Variants in ARHGAP26 observed in about 807,000 individuals in gnomAD.
The protein encoded by ARHGAP26 is Rho GTPase activating protein 26, also known as rho GTPase-activating protein 26.
Under a neutral mutation model 104.8 loss-of-function variants are expected in ARHGAP26, and 38 were observed. That is an observed-to-expected ratio of 0.36 (90% confidence interval 0.28 to 0.48). The LOEUF (loss-of-function observed/expected upper bound fraction) is 0.48, where lower values mean the gene tolerates loss of function less well. Ranked by LOEUF, ARHGAP26 falls within the 20% of genes least tolerant of loss-of-function variation. ARHGAP26 has a pLI of 0.99. For synonymous variants in ARHGAP26, 341 were observed against 340.0 expected (o/e 1.00, Z -0.03); for missense variants, 704 against 947.9 (o/e 0.74, Z 3.38).
In ARHGAP26 at chr5:142,963,181, T is replaced by TAC. The variant is rs1554172165; in HGVS notation, c.1107+31057_1107+31058insCA. Among the ~76,000 whole-genome samples the TAC allele has an allele frequency of 1.0e-3, 114 of 111,552 alleles. 2 individuals are homozygous for TAC. Among genetic ancestry groups the TAC allele is most frequent in the African/African-American group, 5.5e-3 (108 of 19,616 alleles). The allele number at this position is 111,552 out of a possible 152,430, so 73.2% of individuals were successfully genotyped here. On this transcript the variant is annotated intron_variant, in intron 11 of 22. Coordinates refer to ENST00000645722, the MANE Select transcript of ARHGAP26 (RefSeq NM_001135608.3). Reference sequence around the variant, plus strand: ...ATTCCATGGTATATATGTATATATATATATATATATATATATATGTGTGTG... The same window carrying TAC: ...ATTCCATGGTATATATGTATATATATACATATATATATATATATATGTGTGTG...
intron 1 of ARHGAP26, among the ~76,000 whole-genome samples, chr5:142,834,079 T>C (rs1309407069): frequency 6.6e-6 from 1 of 152,248 alleles, no homozygotes; most frequent in East Asian, 1.9e-4. Flanking sequence ...CAAAAAATTA[T>C]GAGCATGATA....
chr5:143,053,163 A>G (rs1029109186), intron 14 of ARHGAP26, among the ~76,000 whole-genome samples: 3 of 152,196 alleles, frequency 2.0e-5, no homozygotes, highest in Admixed American at 2.0e-4. Context: ...CCCAGCAAAC[A>G]GCAAATATCT....
At chr5:142,772,627 C>A in intron 1 of ARHGAP26, 1 of 439,784 alleles carries the variant, frequency 2.3e-6, no homozygotes, top group Non-Finnish European at 4.5e-6. Context: ...ATTCATTCTG[C>A]AAATGAGAAA....
At chr5:142,860,899 A>G (rs1347314868) in intron 1 of ARHGAP26, among the ~76,000 whole-genome samples, 14 of 152,210 alleles carry the variant, frequency 9.2e-5, no homozygotes, top group Admixed American at 9.2e-4. Context: ...AAACTTCAGC[A>G]TGGATAAGAA....
intron 20 of ARHGAP26, among the ~76,000 whole-genome samples, chr5:143,196,338 A>C (rs1245904382): frequency 6.6e-6 from 1 of 152,088 alleles, no homozygotes; most frequent in Non-Finnish European, 1.5e-5. Flanking sequence ...AATACAGTCC[A>C]TTCTTGTTTT....
chr5:143,192,495 T>G (rs922832229), intron 20 of ARHGAP26: 1 of 152,264 alleles, frequency 6.6e-6, no homozygotes, highest in African/African-American at 2.4e-5. Context: ...GTTTTTCCAT[T>G]GTTACATTTT....
chr5:143,184,670 G>GAGAAGTCC (rs554992957), intron 20 of ARHGAP26, among the ~76,000 whole-genome samples: 152 of 152,338 alleles, frequency 1.0e-3, no homozygotes, highest in African/African-American at 3.6e-3. Context: ...CAGTGGTTCA[G>GAGAAGTCC]AGAAGTCCCC....
At chr5:143,049,747 G>A (rs1292292425) in intron 14 of ARHGAP26, among the ~76,000 whole-genome samples, 1 of 152,088 alleles carries the variant, frequency 6.6e-6, no homozygotes, top group Non-Finnish European at 1.5e-5. Flanking sequence ...CAACTTTCTG[G>A]TATTCTTAAA....
intron 5 of ARHGAP26, among the ~76,000 whole-genome samples, chr5:142,892,987 C>T (rs552087844): frequency 1.3e-3 from 170 of 128,098 alleles, no homozygotes; most frequent in African/African-American, 4.2e-3. Context: ...CCCACCCCCC[C>T]GCTTTTTTTT....
intron 19 of ARHGAP26, among the ~76,000 whole-genome samples, chr5:143,139,797 A>T (rs972664583): frequency 1.3e-5 from 2 of 152,198 alleles, no homozygotes; most frequent in African/African-American, 2.4e-5. Flanking sequence ...TTCCACACAG[A>T]TACACCATCC....
chr5:143,115,154 GA>G (rs771248709), intron 17 of ARHGAP26, among the ~76,000 whole-genome samples: 13 of 152,146 alleles, frequency 8.5e-5, no homozygotes, highest in Non-Finnish European at 1.2e-4. Context: ...CCAATATGAT[GA>G]AACCCCGTCT....
At chr5:142,847,065 C>T (rs140988712) in intron 1 of ARHGAP26, among the ~76,000 whole-genome samples, 57 of 152,232 alleles carry the variant, frequency 3.7e-4, no homozygotes, top group African/African-American at 1.1e-3. Context: ...AGCTCTGTTG[C>T]TTGCTCTCGG....
chr5:142,950,121 T>C (rs1768080828), intron 11 of ARHGAP26, among the ~76,000 whole-genome samples: 1 of 152,198 alleles, frequency 6.6e-6, no homozygotes, highest in African/African-American at 2.4e-5. Context: ...ACAACCTTGT[T>C]TCTTTCACAG....
intron 17 of ARHGAP26, among the ~76,000 whole-genome samples, chr5:143,115,317 G>C (rs1220860427): frequency 6.7e-6 from 1 of 149,100 alleles, no homozygotes; most frequent in Admixed American, 6.8e-5. Flanking sequence ...TGCACGACAA[G>C]AGTGAAACTT....
In ARHGAP26 at chr5:143,058,309, G is replaced by A. The variant is rs79252204; in HGVS notation, c.1538+562G>A. On this transcript the variant is annotated intron_variant, in intron 17 of 22. Transcript: ENST00000645722. ...GATTTTTGAAGTTACATGCATTAAA[G>A]CCTTTGAAGAAGTATAAAGAATAAA... The A allele has an allele frequency of 1.9e-4, 46 of 239,250 alleles. 1 individual carries two copies. The East Asian group carries it at 3.1e-3, about 16-fold the overall frequency. The allele number at this position is 239,250 out of a possible 1,614,324, so 14.8% of individuals were successfully genotyped here. A position where few individuals can be genotyped will look rare whatever the true frequency, so the allele number is the denominator to read the frequency against.
intron 1 of ARHGAP26, among the ~76,000 whole-genome samples, chr5:142,773,055 A>T (rs577790352): frequency 6.6e-6 from 1 of 152,268 alleles, no homozygotes; most frequent in Non-Finnish European, 1.5e-5. Flanking sequence ...GTATTCTACC[A>T]CTACTAACTA....
chr5:143,159,035 G>A (rs902219958), intron 20 of ARHGAP26, among the ~76,000 whole-genome samples: 1 of 152,218 alleles, frequency 6.6e-6, no homozygotes, highest in Non-Finnish European at 1.5e-5. Context: ...GAGTAAGCCA[G>A]GGCTAGCAGC....
rs1395430822 is a variant in ARHGAP26, at chr5:142,866,022, CTTTTTCT to C, written c.155-7365_155-7359del. 1.1e-4 allele frequency among the ~76,000 whole-genome samples: 16 copies of C among 148,692 alleles called. No homozygotes were observed. In the East Asian group the frequency reaches 2.3e-3, roughly 22 times the overall value. Reference sequence around the variant, plus strand: ...TTCAGCTCAAACGCTACTCCCTGTTCTTTTTCTTTTTTCTTTTTTTTTTTTTGGAAGC... The same window carrying C: ...TTCAGCTCAAACGCTACTCCCTGTTCTTTTTCTTTTTTTTTTTTTGGAAGC... On this transcript the variant is annotated intron_variant, in intron 1 of 22. Transcript: ENST00000645722.
chr5:143,195,318 G>T (rs1170234761), intron 20 of ARHGAP26, among the ~76,000 whole-genome samples: 1 of 152,146 alleles, frequency 6.6e-6, no homozygotes, highest in African/African-American at 2.4e-5. Flanking sequence ...CCTCTCCAGG[G>T]TTACCTGTAA....
Sources: gnomAD v4.1 joint callset for allele counts (sites outside exome capture counted in the v4.1 genomes callset) on GRCh38, gnomAD v4.1.1 for gene constraint, MANE v1.5 for transcripts, NCBI Gene and HGNC (gene_info 2026-07-23, HGNC 2026-07-21) for gene names.